The following CDH18 variants were observed in gnomAD, a reference collection of about 807,000 sequenced individuals.
CDH18 encodes the protein cadherin-18.
In CDH18, 31 loss-of-function variants were observed where a neutral mutation model predicts 67.9. That is an observed-to-expected ratio of 0.46 (90% confidence interval 0.34 to 0.62). The LOEUF (loss-of-function observed/expected upper bound fraction) is 0.62. Ranked by LOEUF, CDH18 falls within the 20% of genes least tolerant of loss-of-function variation. CDH18 has a pLI of 0.01. For synonymous variants in CDH18, 362 were observed against 347.2 expected (o/e 1.04, Z -0.48); for missense variants, 890 against 975.5 (o/e 0.91, Z 1.17).
intron 2 of CDH18, among the ~76,000 whole-genome samples, chr5:20,022,376 G>C (rs543250897): frequency 6.6e-6 from 1 of 152,266 alleles, no homozygotes; most frequent in Admixed American, 6.5e-5. Context: ...AATAAAGCTG[G>C]TTTTGTTTCT....
intron 5 of CDH18, among the ~76,000 whole-genome samples, chr5:19,617,657 T>C (rs866251875): frequency 3.3e-5 from 5 of 152,220 alleles, no homozygotes; most frequent in Middle Eastern, 3.2e-3. Context: ...CCTCTTATTC[T>C]CTTGTGATGC....
chr5:19,524,502 A>C (rs1402345998), intron 9 of CDH18, among the ~76,000 whole-genome samples: 1 of 152,040 alleles, frequency 6.6e-6, no homozygotes, highest in Non-Finnish European at 1.5e-5. Flanking sequence ...AATTATAAAA[A>C]ATTGAAATTG....
At chr5:20,272,715 AT>A (rs962879624) in intron 1 of CDH18, among the ~76,000 whole-genome samples, 41 of 151,966 alleles carry the variant, frequency 2.7e-4, no homozygotes, top group African/African-American at 8.5e-4. Context: ...AAGTCCATTC[AT>A]TTTTTTCCCT....
Position 19,612,592 on chromosome 5 carries a change from C to A in CDH18, c.653G>T (p.Arg218Ile). 1 of 1,610,058 alleles carries A rather than the reference C, an allele frequency of 6.2e-7. No individual in the cohort carries two copies. Among genetic ancestry groups the A allele is most frequent in the Non-Finnish European group, 8.5e-7 (1 of 1,176,488 alleles). Residue 218 changes from arginine (R) to isoleucine (I), a missense_variant, in exon 6 of 13, where the codon AGA becomes ATA. Around this residue, in one of 2 missense-constraint regions of CDH18, gnomAD observed 234 missense variants for 307.4 expected, o/e 0.76. Coordinates refer to ENST00000382275, the MANE Select transcript of CDH18 (RefSeq NM_004934.5). The part of the protein sequence containing the change: ...FSVDPKTGVI[R>I]TALHNMDREA... ...TCTGTCCATGTTATGTAAGGCCGTT[C>A]TAATAACTCCTGTAATAGATATATT...
At chr5:19,815,245 T>C (rs1016004863) in intron 3 of CDH18, among the ~76,000 whole-genome samples, 2 of 152,040 alleles carry the variant, frequency 1.3e-5, no homozygotes, top group African/African-American at 2.4e-5. Flanking sequence ...TTGTGTGCTA[T>C]AATTAATTTT....
At chr5:20,062,816 CA>C (rs1379206847) in intron 2 of CDH18, among the ~76,000 whole-genome samples, 1 of 152,068 alleles carries the variant, frequency 6.6e-6, no homozygotes, top group Non-Finnish European at 1.5e-5. Flanking sequence ...ATGCTTAGGT[CA>C]GTCCTTTTCA....
At chr5:20,231,065 T>C (rs544866115) in intron 2 of CDH18, among the ~76,000 whole-genome samples, 7 of 152,344 alleles carry the variant, frequency 4.6e-5, no homozygotes, top group East Asian at 3.9e-4. Flanking sequence ...GTAGGTATGA[T>C]AGTAAGCTCC....
At chr5:20,148,865 A>G (rs1012119492) in intron 2 of CDH18, among the ~76,000 whole-genome samples, 15 of 152,140 alleles carry the variant, frequency 9.9e-5, no homozygotes, top group Non-Finnish European at 2.2e-4. Context: ...ACAGCAAGAA[A>G]GTGATAACAT....
intron 10 of CDH18, among the ~76,000 whole-genome samples, chr5:19,517,427 T>C (rs1238579475): frequency 6.6e-6 from 1 of 152,058 alleles, no homozygotes; most frequent in Non-Finnish European, 1.5e-5. Flanking sequence ...TCAAAGAGCA[T>C]CTTTTTCAAA....
At chr5:20,309,761 G>T (rs987119472) in intron 1 of CDH18, among the ~76,000 whole-genome samples, 2 of 152,024 alleles carry the variant, frequency 1.3e-5, no homozygotes, top group Non-Finnish European at 2.9e-5. Context: ...ATCATAGCTG[G>T]GTAGCAAATG....
intron 3 of CDH18, among the ~76,000 whole-genome samples, chr5:19,766,184 C>CT (rs1169217460): frequency 6.6e-6 from 1 of 152,120 alleles, no homozygotes; most frequent in East Asian, 1.9e-4. Context: ...CGACCCAGAA[C>CT]TTTTTCAATC....
chr5:19,837,781 T>C (rs1004034364), intron 3 of CDH18, among the ~76,000 whole-genome samples: 6 of 140,670 alleles, frequency 4.3e-5, no homozygotes, highest in Non-Finnish European at 9.3e-5. Context: ...GTACTAACAG[T>C]GCTAAAGTGA....
At chr5:19,868,138 G>A (rs1785797253) in intron 2 of CDH18, among the ~76,000 whole-genome samples, 1 of 152,120 alleles carries the variant, frequency 6.6e-6, no homozygotes, top group Non-Finnish European at 1.5e-5. Flanking sequence ...GGGTGAGAAT[G>A]GACTAATAGA....
At chr5:19,850,320 A>G (rs1783542327) in intron 2 of CDH18, among the ~76,000 whole-genome samples, 2 of 151,934 alleles carry the variant, frequency 1.3e-5, no homozygotes, top group Non-Finnish European at 2.9e-5. Flanking sequence ...GAAATTTAAT[A>G]CCTTTTATTA....
intron 1 of CDH18, among the ~76,000 whole-genome samples, chr5:20,539,753 CACAA>C (rs1446930123): frequency 7.9e-5 from 11 of 138,528 alleles, no homozygotes; most frequent in Non-Finnish European, 9.3e-5. Context: ...CACACACACA[CACAA>C]ACACACACAC....
chr5:20,509,341 G>T (rs945000339), intron 1 of CDH18, among the ~76,000 whole-genome samples: 1 of 151,086 alleles, frequency 6.6e-6, no homozygotes, highest in Admixed American at 6.6e-5. Flanking sequence ...GTCCTTTTGT[G>T]CCTAGCTTAT....
chr5:20,252,329 G>T (rs993406475), intron 2 of CDH18, among the ~76,000 whole-genome samples: 1 of 150,806 alleles, frequency 6.6e-6, no homozygotes, highest in Non-Finnish European at 1.5e-5. Flanking sequence ...CCAGCCTGGC[G>T]ACAGAGCAAG....
At chr5:20,077,034 A>C (rs1450368227) in intron 2 of CDH18, among the ~76,000 whole-genome samples, 2 of 152,164 alleles carry the variant, frequency 1.3e-5, no homozygotes, top group Admixed American at 1.3e-4. Flanking sequence ...TGTCTTTACC[A>C]CTGAGAAAAT....
At chr5:20,039,132 T>C (rs950233116) in intron 2 of CDH18, among the ~76,000 whole-genome samples, 4 of 152,058 alleles carry the variant, frequency 2.6e-5, no homozygotes, top group Non-Finnish European at 4.4e-5. Flanking sequence ...GAATACAACT[T>C]ACAAGGGATG....
Sources: gnomAD v4.1 joint callset for allele counts (sites outside exome capture counted in the v4.1 genomes callset) on GRCh38, gnomAD v4.1.1 for gene constraint, gnomAD v4.1.1 regional missense constraint, MANE v1.5 for transcripts, NCBI Gene and HGNC (gene_info 2026-07-23, HGNC 2026-07-21) for gene names.